Variants in DOCK5 observed in about 807,000 individuals in gnomAD.
The protein encoded by DOCK5 is dedicator of cytokinesis protein 5.
In DOCK5, 142 loss-of-function variants were observed where a neutral mutation model predicts 251.8. The ratio of observed to expected loss-of-function variants is 0.56; its 90% CI spans 0.49 to 0.65. DOCK5 has a LOEUF of 0.65. DOCK5 is among the 30% of genes least tolerant of loss of function. The pLI is 0.00. For synonymous variants in DOCK5, 842 were observed against 835.5 expected, an observed-to-expected ratio of 1.01 and a Z score of -0.13; for missense variants, 2,111 against 2,312.3, an observed-to-expected ratio of 0.91 and a Z score of 1.79.
Position 25,411,347 on chromosome 8 carries a change from G to C in DOCK5, c.*49G>C. The C allele has an allele frequency of 1.4e-6, 2 of 1,386,834 alleles. No homozygotes were observed. Among genetic ancestry groups the C allele is most frequent in the Non-Finnish European group, 1.9e-6 (2 of 1,066,758 alleles). The allele number at this position is 1,386,834 out of a possible 1,614,324, so 85.9% of individuals were successfully genotyped here. On this transcript the variant is annotated 3_prime_UTR_variant, in exon 52 of 52. Coordinates refer to ENST00000276440, the MANE Select transcript of DOCK5 (RefSeq NM_024940.8). ...CGAGTGCCTTAGACAGCTGCTGCCT[G>C]AGAACTGGCCTCCAGCCGGTGTCCT...
At chr8:25,369,105 T>C (rs1392805182) in intron 33 of DOCK5, among the ~76,000 whole-genome samples, 1 of 152,230 alleles carries the variant, frequency 6.6e-6, no homozygotes, top group Non-Finnish European at 1.5e-5. Flanking sequence ...TCCATTACTC[T>C]GTAGCTTTGA....
At position 25,413,149 on chromosome 8, in the gene DOCK5, C is replaced by T. The variant is rs1477488101; in HGVS notation, c.*1851C>T. 1 of 152,152 alleles carries T rather than the reference C, an allele frequency of 6.6e-6. No individual in the cohort carries two copies. The highest frequency in any genetic ancestry group is 1.5e-5 in the Non-Finnish European group (1 of 68,022). The allele number at this position is 152,152 out of a possible 1,614,324, so 9.4% of individuals were successfully genotyped here. On this transcript the variant is annotated 3_prime_UTR_variant, in exon 52 of 52. Transcript: ENST00000276440. ...CCTTCCAGAATGGGGATAATGCCTC[C>T]TGCATCGGTTGTTGTGAGGTTTCAA...
At chr8:25,332,541 T>A (rs1805706991) in intron 19 of DOCK5, 62 bp from the exon 20 acceptor site, 1 of 1,413,230 alleles carries the variant, frequency 7.1e-7, no homozygotes. Flanking sequence ...TGTACCCAGA[T>A]TTCTGTGGTG....
chr8:25,382,577 G>A (rs986118353), intron 39 of DOCK5, 97 bp from the exon 40 acceptor site: 3 of 952,672 alleles, frequency 3.1e-6, no homozygotes, highest in African/African-American at 3.3e-5. Flanking sequence ...TCATTGCTCT[G>A]GGTTACGTGG....
intron 17 of DOCK5, 115 bp downstream of exon 17, chr8:25,324,066 GC>G (rs907173544): frequency 7.5e-6 from 9 of 1,196,470 alleles, no homozygotes; most frequent in Non-Finnish European, 9.2e-6. Context: ...TTCTGTACTT[GC>G]CCATTAACAT....
intron 32 of DOCK5, 25 bp from the exon 33 acceptor site, chr8:25,368,546 A>G: frequency 3.2e-6 from 5 of 1,568,418 alleles, no homozygotes; most frequent in Non-Finnish European, 4.3e-6. Context: ...TAATTTTTTA[A>G]TATCTTCATT....
Position 25,184,856 on chromosome 8 carries a change from C to T in DOCK5, c.-53C>T. The T allele has an allele frequency of 1.5e-6, 2 of 1,293,790 alleles. No individual in the cohort carries two copies. The highest frequency in any genetic ancestry group is 9.9e-7 in the Non-Finnish European group (1 of 1,014,494). 80.1% of individuals were successfully genotyped at this position (1,293,790 alleles called of 1,614,324 possible). Reference sequence around the variant, plus strand: ...AGCGCGGGGCGGCGGCGGCCGGAGCCCGAGGAGCTGTAGCAGCCTTAGTCG... The same window carrying T: ...AGCGCGGGGCGGCGGCGGCCGGAGCTCGAGGAGCTGTAGCAGCCTTAGTCG... On this transcript the variant is annotated 5_prime_UTR_variant, in exon 1 of 52. Coordinates refer to ENST00000276440, the MANE Select transcript of DOCK5 (RefSeq NM_024940.8).
chr8:25,284,229 G>A (rs1257411736), intron 5 of DOCK5, among the ~76,000 whole-genome samples: 1 of 152,098 alleles, frequency 6.6e-6, no homozygotes, highest in Non-Finnish European at 1.5e-5. Flanking sequence ...CAAATTTATT[G>A]TAAGGATTCA....
At chr8:25,390,337 T>C (rs1482837448) in intron 42 of DOCK5, 50 bp downstream of exon 42, 3 of 1,447,434 alleles carry the variant, frequency 2.1e-6, no homozygotes, top group Non-Finnish European at 1.9e-6. Flanking sequence ...CTAGGCACAG[T>C]GGCTCACATC....
At chr8:25,302,839 C>T (rs994160075) in intron 10 of DOCK5, among the ~76,000 whole-genome samples, 5 of 152,134 alleles carry the variant, frequency 3.3e-5, no homozygotes, top group African/African-American at 1.2e-4. Flanking sequence ...TATGATCCCA[C>T]CTATATGAGG....
intron 1 of DOCK5, among the ~76,000 whole-genome samples, chr8:25,225,711 A>G (rs1014724208): frequency 6.6e-6 from 1 of 152,096 alleles, no homozygotes; most frequent in Admixed American, 6.5e-5. Context: ...GTCTCAAAAA[A>G]AAAAAAAAAA....
At chr8:25,388,802 C>T (rs1801207253) in intron 40 of DOCK5, 1 of 292,344 alleles carries the variant, frequency 3.4e-6, no homozygotes, top group African/African-American at 2.1e-5. Flanking sequence ...TCCGTATTTC[C>T]TTGCAGATGG....
Position 25,184,877 on chromosome 8 carries a change from A to T in DOCK5, c.-32A>T. The T allele has an allele frequency of 7.3e-7, 1 of 1,362,096 alleles. No homozygotes were observed. The highest frequency in any genetic ancestry group is 1.9e-5 in the South Asian group (1 of 53,066). The allele number at this position is 1,362,096 out of a possible 1,614,324, so 84.4% of individuals were successfully genotyped here. ...GAGCCCGAGGAGCTGTAGCAGCCTT[A>T]GTCGCCGCCGCCGCGGGGCGAGGTC... is the stretch of plus-strand genomic sequence containing the variant. On this transcript the variant is annotated 5_prime_UTR_variant, in exon 1 of 52. Coordinates refer to ENST00000276440, the MANE Select transcript of DOCK5 (RefSeq NM_024940.8).
chr8:25,196,792 G>C (rs994776623), intron 1 of DOCK5, among the ~76,000 whole-genome samples: 2 of 152,112 alleles, frequency 1.3e-5, no homozygotes, highest in African/African-American at 2.4e-5. Flanking sequence ...GCATATAAAA[G>C]ATTTTAGTAC....
chr8:25,248,033 C>T (rs1234761593), intron 2 of DOCK5, among the ~76,000 whole-genome samples: 1 of 152,066 alleles, frequency 6.6e-6, no homozygotes, highest in Non-Finnish European at 1.5e-5. Context: ...CATGTCAAGG[C>T]GTGAAGGGGA....
intron 5 of DOCK5, among the ~76,000 whole-genome samples, chr8:25,280,204 T>C (rs1804153481): frequency 6.6e-6 from 1 of 152,212 alleles, no homozygotes; most frequent in East Asian, 1.9e-4. Context: ...ATTCTCTCGT[T>C]AGATGTGTGT....
chr8:25,266,648 A>G (rs1000031420), intron 2 of DOCK5, among the ~76,000 whole-genome samples: 3 of 151,932 alleles, frequency 2.0e-5, no homozygotes, highest in African/African-American at 7.3e-5. Flanking sequence ...CTATTACCAT[A>G]TTCTGTGCAG....
chr8:25,204,049 A>G (rs1342061140), intron 1 of DOCK5, among the ~76,000 whole-genome samples: 2 of 152,058 alleles, frequency 1.3e-5, no homozygotes, highest in Admixed American at 1.3e-4. Context: ...ATACTTTTGG[A>G]AGATTAGAGG....
chr8:25,410,939 A>ATGTGTG (rs763758410), intron 51 of DOCK5, among the ~76,000 whole-genome samples: 15 of 102,148 alleles, frequency 1.5e-4, no homozygotes, highest in African/African-American at 4.9e-4. Context: ...GAGAGAGAAA[A>ATGTGTG]TGTGTGTGTG....
Sources: allele counts gnomAD v4.1 joint callset (sites outside exome capture counted in the v4.1 genomes callset), GRCh38; gene constraint gnomAD v4.1.1; transcripts MANE v1.5; gene names NCBI Gene and HGNC (gene_info 2026-07-23, HGNC 2026-07-21).